MTARC1: variants seen among roughly 807,000 people sequenced by gnomAD.
The protein encoded by MTARC1 is mitochondrial amidoxime-reducing component 1.
MTARC1 carries 24 observed loss-of-function variants against 33.6 expected under a neutral mutation model. The observed-to-expected ratio is 0.72, with a 90% CI of 0.52 to 1.01. The LOEUF is 1.01. MTARC1 is among the 50% of genes least tolerant of loss of function. The probability of loss-of-function intolerance (pLI) is 0.00; values close to 1 mark genes in which losing one functional copy is unlikely to be tolerated. For synonymous variants in MTARC1, 187 were observed against 189.5 expected (o/e 0.99, Z 0.11); for missense variants, 417 against 445.7 (o/e 0.94, Z 0.58).
intron 6 of MTARC1, among the ~76,000 whole-genome samples, chr1:220,807,947 C>G (rs1474789165): frequency 6.6e-6 from 1 of 152,100 alleles, no homozygotes; most frequent in African/African-American, 2.4e-5. Context: ...TGCTGTGCTC[C>G]TACCCCTGCC....
chr1:220,787,260 C>G (rs1329906921), intron 1 of MTARC1, 41 bp downstream of exon 1: 1 of 1,532,248 alleles, frequency 6.5e-7, no homozygotes, highest in Admixed American at 2.0e-5. Context: ...TGATCCGGCT[C>G]GGGGCAAGGG....
In MTARC1 at chr1:220,803,220, G is replaced by A. The variant is rs72472329; in HGVS notation, c.754-1832G>A. 5.1e-3 allele frequency among the ~76,000 whole-genome samples: 770 copies of A among 152,276 alleles called. 4 individuals are homozygous for A. Among genetic ancestry groups the A allele is most frequent in the Non-Finnish European group, 7.0e-3 (476 of 68,018 alleles). ...CATGGTGGCAGGCAAGAGAGTGCGT[G>A]CAGGGGAACTGCCCTTTATAAAACC... On this transcript the variant is annotated intron_variant, in intron 4 of 6. Transcript: ENST00000366910.
rs1041035066 is a variant in MTARC1, at chr1:220,813,214, T to C, written c.888-78T>C. The C allele has an allele frequency of 1.9e-6, 3 of 1,600,400 alleles. No individual in the cohort carries two copies. The African/African-American group carries it at 4.0e-5, about 21-fold the overall frequency. On this transcript the variant is annotated intron_variant, in intron 6 of 6. Transcript: ENST00000366910. ...TCGAGCTGTGCGTGCGGAGGCCCTG[T>C]GTGGGATGGAAGCCACGTGCTGGTT...
intron 6 of MTARC1, among the ~76,000 whole-genome samples, chr1:220,812,179 G>C (rs1275687193): frequency 2.0e-5 from 3 of 152,222 alleles, no homozygotes; most frequent in Non-Finnish European, 4.4e-5. Flanking sequence ...TACCGAGTCA[G>C]TACAATGCAA....
chr1:220,800,425 C>T (rs978768566), intron 4 of MTARC1, among the ~76,000 whole-genome samples: 2 of 114,234 alleles, frequency 1.8e-5, no homozygotes, highest in Non-Finnish European at 3.7e-5. Context: ...TGAAAAGTCA[C>T]AGCACAGTGA....
Position 220,787,042 on chromosome 1 carries a change from T to C in MTARC1, c.98T>C (p.Val33Ala). Reference protein sequence around the residue: ...LGVAALGLTAVALGAVAWRRA... With the variant: ...LGVAALGLTAAALGAVAWRRA... The stretch of plus-strand genomic sequence containing the variant: ...GTTGCCGCGCTGGGCCTGACCGCGG[T>C]GGCGCTGGGGGCTGTCGCCTGGCGC... The change falls in exon 1 of 7, where the codon GTG becomes GCG. Residue 33 changes from valine to alanine, a missense_variant. By Grantham distance (64) the Val-to-Ala change is moderately conservative. Transcript: ENST00000366910. 2 of 1,380,874 alleles carry C rather than the reference T, an allele frequency of 1.4e-6. No individual in the cohort carries two copies. Among genetic ancestry groups the C allele is most frequent in the South Asian group, 1.7e-5 (1 of 58,350 alleles). 85.5% of individuals were successfully genotyped at this position (1,380,874 alleles called of 1,614,324 possible). A position where few individuals can be genotyped will look rare whatever the true frequency, so the allele number is the denominator to read the frequency against.
intron 4 of MTARC1, among the ~76,000 whole-genome samples, chr1:220,802,028 C>T (rs940671650): frequency 2.0e-5 from 3 of 152,190 alleles, no homozygotes; most frequent in African/African-American, 7.2e-5. Context: ...GCTCTGAGGA[C>T]ACATGGACAC....
intron 1 of MTARC1, among the ~76,000 whole-genome samples, chr1:220,789,433 G>A (rs1672354849): frequency 1.5e-5 from 2 of 137,860 alleles, no homozygotes; most frequent in South Asian, 4.8e-4. Context: ...AACAGCTGAT[G>A]AGCAAAAACA....
chr1:220,787,821 C>T (rs550418618), intron 1 of MTARC1, among the ~76,000 whole-genome samples: 2 of 152,118 alleles, frequency 1.3e-5, no homozygotes, highest in African/African-American at 4.8e-5. Flanking sequence ...GAAACCGCGT[C>T]TCTACTAAAA....
intron 2 of MTARC1, chr1:220,793,692 A>G (rs1192905351): frequency 6.6e-6 from 1 of 152,184 alleles, no homozygotes; most frequent in African/African-American, 2.4e-5. Flanking sequence ...AGATACACAG[A>G]ATTAGGGACT....
At chr1:220,810,466 C>T (rs1673097063) in intron 6 of MTARC1, among the ~76,000 whole-genome samples, 1 of 151,986 alleles carries the variant, frequency 6.6e-6, no homozygotes. Flanking sequence ...CACCGAGAAC[C>T]CCTTTTCCAC....
intron 6 of MTARC1, among the ~76,000 whole-genome samples, chr1:220,811,363 A>T (rs1257223770): frequency 1.2e-4 from 18 of 152,196 alleles, no homozygotes; most frequent in African/African-American, 3.6e-4. Context: ...AACCAACATT[A>T]TTTTTGAGTG....
At chr1:220,796,511 T>C in intron 2 of MTARC1, 132 bp from the exon 3 acceptor site, 1 of 1,145,174 alleles carries the variant, frequency 8.7e-7, no homozygotes, top group South Asian at 1.9e-5. Flanking sequence ...AGGACTAAAA[T>C]TACATCTTCT....
intron 1 of MTARC1, among the ~76,000 whole-genome samples, chr1:220,788,662 G>A (rs1209682051): frequency 1.3e-5 from 2 of 151,900 alleles, no homozygotes; most frequent in African/African-American, 4.8e-5. Context: ...GGTGGTGGGC[G>A]CCTGTAGTCC....
intron 2 of MTARC1, chr1:220,794,142 C>T (rs2102589908): frequency 1.3e-5 from 2 of 152,286 alleles, no homozygotes; most frequent in South Asian, 4.1e-4. Flanking sequence ...TCTATATCCT[C>T]CACTGTGTGT....
At position 220,790,154 on chromosome 1, in the gene MTARC1, CTGTT is replaced by C. The variant is rs575447787; in HGVS notation, c.276-1334_276-1331del. Among the ~76,000 whole-genome samples the C allele has an allele frequency of 4.1e-3, 625 of 152,312 alleles. 1 individual carries two copies. Among genetic ancestry groups the C allele is most frequent in the Non-Finnish European group, 7.3e-3 (495 of 68,038 alleles). ...GCAATAAACATTGATACACAAATGT[CTGTT>C]TGAGTTCCTGTTTTCAGTTCTTTGG... On this transcript the variant is annotated intron_variant, in intron 1 of 6. Transcript: ENST00000366910.
At chr1:220,808,637 G>A (rs938583503) in intron 6 of MTARC1, among the ~76,000 whole-genome samples, 1 of 152,198 alleles carries the variant, frequency 6.6e-6, no homozygotes, top group East Asian at 1.9e-4. Flanking sequence ...GTTGCTTCTG[G>A]AATGCCAGCG....
At position 220,818,268 on chromosome 1, in the gene MTARC1, T is replaced by A. The variant is rs1380946036; in HGVS notation, c.*4850T>A. ...TCTTCCTCCAAACACAGCTGAGGAA[T>A]TGGGTGGTGGGGCACCTGCTCCCAT... On this transcript the variant is annotated 3_prime_UTR_variant, in exon 7 of 7. Transcript: ENST00000366910. 1 of 152,242 alleles carries A rather than the reference T, an allele frequency of 6.6e-6. No homozygotes were observed. The highest frequency in any genetic ancestry group is 1.5e-5 in the Non-Finnish European group (1 of 68,092). 9.4% of individuals were successfully genotyped at this position (152,242 alleles called of 1,614,324 possible). A position where few individuals can be genotyped will look rare whatever the true frequency, so the allele number is the denominator to read the frequency against.
chr1:220,791,479 TG>T lies in MTARC1; in HGVS notation c.276-11del. The T allele has an allele frequency of 1.9e-6, 3 of 1,613,366 alleles. No individual in the cohort carries two copies. The highest frequency in any genetic ancestry group is 2.5e-6 in the Non-Finnish European group (3 of 1,179,564). ...AATGGTTCACACATATCCTGTGTTTTGAAAACGGCAGGTTTTGGCTTGTGAT... is the reference window on the plus strand; with the variant it reads ...AATGGTTCACACATATCCTGTGTTTTAAAACGGCAGGTTTTGGCTTGTGAT... On this transcript the variant is annotated splice_polypyrimidine_tract_variant and intron_variant, in intron 1 of 6. Coordinates refer to ENST00000366910, the MANE Select transcript of MTARC1 (RefSeq NM_022746.4).
Sources: gnomAD v4.1 joint callset for allele counts (sites outside exome capture counted in the v4.1 genomes callset) on GRCh38, gnomAD v4.1.1 for gene constraint, MANE v1.5 for transcripts, NCBI Gene and HGNC (gene_info 2026-07-23, HGNC 2026-07-21) for gene names.